Variants in SLC6A6 observed in about 807,000 individuals in gnomAD.
SLC6A6 encodes the protein solute carrier family 6 member 6.
A neutral mutation model predicts 68.8 loss-of-function variants in SLC6A6; 16 were observed. That is an observed-to-expected ratio of 0.23 (90% CI 0.16 to 0.35). SLC6A6 has a LOEUF of 0.35. Ranked by LOEUF, SLC6A6 falls within the 10% of genes least tolerant of loss-of-function variation. The pLI, the probability that SLC6A6 is intolerant of heterozygous loss-of-function variation, is 1.00. For synonymous variants in SLC6A6, 312 were observed against 315.4 expected (o/e 0.99, Z 0.12); for missense variants, 474 against 802.8 (o/e 0.59, Z 4.95).
chr3:14,487,431 A>T lies in SLC6A6; in HGVS notation c.*2424A>T, dbSNP rs528325448. The T allele has an allele frequency of 6.6e-6, 1 of 152,386 alleles. No individual in the cohort carries two copies. The highest frequency in any genetic ancestry group is 1.9e-4 in the East Asian group (1 of 5,170). The allele number at this position is 152,386 out of a possible 1,614,324, so 9.4% of individuals were successfully genotyped here. On this transcript the variant is annotated 3_prime_UTR_variant, in exon 15 of 15. Transcript: ENST00000622186. ...ACCTGTGTAATAATGCTCAACCTTC[A>T]TGTCTCCGTATAAACGAAACTTTCC... is the stretch of plus-strand genomic sequence containing the variant.
intron 6 of SLC6A6, among the ~76,000 whole-genome samples, chr3:14,463,870 C>T (rs1700553608): frequency 6.6e-6 from 1 of 152,208 alleles, no homozygotes; most frequent in South Asian, 2.1e-4. Context: ...GGAGAGCCAT[C>T]CTGACAGTGC....
At chr3:14,406,483 T>C (rs970560027) in intron 1 of SLC6A6, among the ~76,000 whole-genome samples, 11 of 152,202 alleles carry the variant, frequency 7.2e-5, no homozygotes, top group Non-Finnish European at 1.6e-4. Context: ...ACCGAGCCAC[T>C]AAGCATTTTC....
chr3:14,474,105 G>A (rs1700816472), intron 10 of SLC6A6, among the ~76,000 whole-genome samples: 1 of 152,216 alleles, frequency 6.6e-6, no homozygotes, highest in Non-Finnish European at 1.5e-5. Flanking sequence ...GACCTGCCAG[G>A]GACAAGGGTA....
intron 2 of SLC6A6, among the ~76,000 whole-genome samples, chr3:14,416,956 C>T (rs1264330860): frequency 1.3e-5 from 2 of 152,234 alleles, no homozygotes; most frequent in African/African-American, 4.8e-5. Context: ...GTGATCCTCC[C>T]ACCCCAGCCT....
At chr3:14,407,588 C>G (rs138052980) in intron 1 of SLC6A6, among the ~76,000 whole-genome samples, 1 of 151,192 alleles carries the variant, frequency 6.6e-6, no homozygotes, top group Non-Finnish European at 1.5e-5. Flanking sequence ...ACTGCAGCCT[C>G]GACCTCCCCA....
At chr3:14,408,754 A>G (rs1699166123) in intron 1 of SLC6A6, among the ~76,000 whole-genome samples, 1 of 151,242 alleles carries the variant, frequency 6.6e-6, no homozygotes, top group Admixed American at 6.6e-5. Flanking sequence ...TCTTTGATCC[A>G]GGCATTATTT....
rs773558156 is a variant in SLC6A6 at position 14,487,421 on chromosome 3, C to G, written c.*2414C>G. On this transcript the variant is annotated 3_prime_UTR_variant, in exon 15 of 15. Coordinates refer to ENST00000622186, the MANE Select transcript of SLC6A6 (RefSeq NM_003043.6). Reference sequence around the variant, plus strand: ...CTCTGCGAGTACCTGTGTAATAATGCTCAACCTTCATGTCTCCGTATAAAC... The same window carrying G: ...CTCTGCGAGTACCTGTGTAATAATGGTCAACCTTCATGTCTCCGTATAAAC... 1 of 152,440 alleles carries G rather than the reference C, an allele frequency of 6.6e-6. No individual in the cohort carries two copies. The highest frequency in any genetic ancestry group is 6.5e-5 in the Admixed American group (1 of 15,284). The allele number at this position is 152,440 out of a possible 1,614,324, so 9.4% of individuals were successfully genotyped here. A position where few individuals can be genotyped will look rare whatever the true frequency, so the allele number is the denominator to read the frequency against.
intron 2 of SLC6A6, among the ~76,000 whole-genome samples, chr3:14,420,676 G>T (rs1166281835): frequency 2.0e-5 from 3 of 151,954 alleles, no homozygotes; most frequent in Non-Finnish European, 4.4e-5. Context: ...TAGAGACTGG[G>T]TCTCACTATG....
rs1700629148 is a variant in SLC6A6 at position 14,466,767 on chromosome 3, G to T, written c.867+117G>T. 3 of 949,822 alleles carry T rather than the reference G, an allele frequency of 3.2e-6. No homozygotes were observed. In the African/African-American group the frequency reaches 4.9e-5, roughly 16 times the overall value. 58.8% of individuals were successfully genotyped at this position (949,822 alleles called of 1,614,324 possible). A position where few individuals can be genotyped will look rare whatever the true frequency, so the allele number is the denominator to read the frequency against. ...TCTTCCGTGGTTCTTCAGTGCACAG[G>T]TCTAGCTGGGCCACCGCCCCCTGGT... On this transcript the variant is annotated intron_variant, in intron 7 of 14. Coordinates refer to ENST00000622186, the MANE Select transcript of SLC6A6 (RefSeq NM_003043.6).
At chr3:14,464,498 C>T (rs944398823) in intron 6 of SLC6A6, among the ~76,000 whole-genome samples, 8 of 152,210 alleles carry the variant, frequency 5.3e-5, no homozygotes, top group East Asian at 1.9e-4. Flanking sequence ...GCTCAATAAA[C>T]GCTGCCTAGG....
chr3:14,484,751 A>C, intron 14 of SLC6A6, 116 bp from the exon 15 acceptor site: 1 of 996,840 alleles, frequency 1.0e-6, no homozygotes, highest in South Asian at 1.5e-5. Context: ...AGAGGGTGTG[A>C]GTTTACCAAA....
chr3:14,443,937 C>A (rs113583753), intron 3 of SLC6A6, 74 bp downstream of exon 3: 11,232 of 1,049,088 alleles, frequency 0.011, 87 homozygotes, highest in Non-Finnish European at 0.013. Flanking sequence ...GGGACCAGAG[C>A]GTGGGTGGCC....
chr3:14,447,454 G>T, intron 4 of SLC6A6, 128 bp from the exon 5 acceptor site: 2 of 1,091,490 alleles, frequency 1.8e-6, no homozygotes, highest in Non-Finnish European at 2.7e-6. Context: ...TAAATATTTG[G>T]TGGTCACTGT....
intron 1 of SLC6A6, among the ~76,000 whole-genome samples, chr3:14,413,510 G>C (rs1262178086): frequency 6.6e-6 from 1 of 152,236 alleles, no homozygotes; most frequent in African/African-American, 2.4e-5. Flanking sequence ...TCAAAATGCT[G>C]TCCCTGGCCC....
Position 14,468,490 on chromosome 3 carries a change from C to A in SLC6A6, c.1096+278C>A, listed in dbSNP as rs558961853. On this transcript the variant is annotated intron_variant, in intron 9 of 14. Transcript: ENST00000622186. The surrounding 1 kb of genome is among the most constrained non-coding windows in gnomAD (Gnocchi z 4.5). ...GCTACCTTAGTGTGGTCTTCCCCGC[C>A]CCCCCGTCCTTCCCCAGCAAACTCC... Among the ~76,000 whole-genome samples, 1 of 152,018 alleles carries A rather than the reference C, an allele frequency of 6.6e-6. No individual in the cohort carries two copies. The highest frequency in any genetic ancestry group is 2.1e-4 in the South Asian group (1 of 4,814).
At chr3:14,410,291 T>C (rs990426750) in intron 1 of SLC6A6, among the ~76,000 whole-genome samples, 2 of 151,794 alleles carry the variant, frequency 1.3e-5, no homozygotes, top group Non-Finnish European at 2.9e-5. Context: ...CAGGGAGGGA[T>C]TTAAGGAAAG....
intron 9 of SLC6A6, among the ~76,000 whole-genome samples, chr3:14,470,330 C>A (rs1457071120): frequency 1.3e-5 from 2 of 152,142 alleles, no homozygotes; most frequent in African/African-American, 4.8e-5. Flanking sequence ...TAACAAGCAC[C>A]ATATTGAGTG....
At chr3:14,445,314 G>A (rs1443662887) in intron 3 of SLC6A6, among the ~76,000 whole-genome samples, 2 of 151,998 alleles carry the variant, frequency 1.3e-5, no homozygotes, top group African/African-American at 2.4e-5. Context: ...CCAGCTACTC[G>A]GGAGGCTGAG....
intron 7 of SLC6A6, among the ~76,000 whole-genome samples, chr3:14,466,949 C>G (rs1054327942): frequency 5.9e-5 from 9 of 152,336 alleles, no homozygotes; most frequent in South Asian, 2.1e-4. Context: ...TTCTGATGAG[C>G]AAGTCTCCCG....
Sources: gnomAD v4.1 joint callset for allele counts (sites outside exome capture counted in the v4.1 genomes callset) on GRCh38, gnomAD v4.1.1 for gene constraint, Gnocchi (gnomAD v3.1) non-coding constraint, MANE v1.5 for transcripts, NCBI Gene and HGNC (gene_info 2026-07-23, HGNC 2026-07-21) for gene names.